RNF128: variants seen among roughly 807,000 people sequenced by gnomAD.
The protein encoded by RNF128 is E3 ubiquitin-protein ligase RNF128.
A neutral mutation model predicts 26.2 loss-of-function variants in RNF128; 13 were observed. The ratio of observed to expected loss-of-function variants is 0.50; its 90% CI spans 0.32 to 0.79. The LOEUF (loss-of-function observed/expected upper bound fraction) is 0.79. Ranked by LOEUF, RNF128 falls within the 30% of genes least tolerant of loss-of-function variation. RNF128 has a pLI of 0.03. For missense variants in RNF128, 315 were observed against 349.7 expected, an observed-to-expected ratio of 0.90 and a Z score of 0.79; for synonymous variants, 149 against 142.5, an observed-to-expected ratio of 1.05 and a Z score of -0.32.
upstream of RNF128, among the ~76,000 whole-genome samples, chrX:106,723,061 T>C (rs1022002104): frequency 9.0e-6 from 1 of 111,676 alleles, no homozygotes; most frequent in African/African-American, 3.3e-5. Context: ...AATCTGGTCA[T>C]ACCATTCATT....
chrX:106,778,044 A>G (rs1930499822), intron 2 of RNF128, among the ~76,000 whole-genome samples: 1 of 111,781 alleles, frequency 8.9e-6, no homozygotes, highest in African/African-American at 3.3e-5. Context: ...TTGTACAAAC[A>G]CAGTATATAA....
At position 106,727,174 on chromosome X, in the gene RNF128, C is replaced by T; in HGVS notation, c.261C>T (p.Pro87=). The part of the protein sequence containing the change: ...LEPVAGVLVP[P]DGPGALNACN... Reference sequence around the variant, plus strand: ...CTGTGGCTGGGGTCCTGGTACCGCCCGACGGGCCCGGGGCGCTTAACGCCT... The same window carrying T: ...CTGTGGCTGGGGTCCTGGTACCGCCTGACGGGCCCGGGGCGCTTAACGCCT... Residue 87 remains proline (P), a synonymous_variant, in exon 1 of 7, where the codon CCC becomes CCT. Coordinates refer to ENST00000255499, the MANE Select transcript of RNF128 (RefSeq NM_194463.2). 1 of 1,210,528 alleles carries T rather than the reference C, an allele frequency of 8.3e-7. No homozygotes were observed. Among genetic ancestry groups the T allele is most frequent in the Non-Finnish European group, 1.1e-6 (1 of 895,110 alleles).
intron 1 of RNF128, among the ~76,000 whole-genome samples, chrX:106,730,532 C>T (rs1929483903): frequency 1.8e-5 from 2 of 112,165 alleles, no homozygotes; most frequent in Middle Eastern, 4.6e-3. Flanking sequence ...AAGATTGTCA[C>T]GAGACACGTT....
At chrX:106,764,777 C>A (rs187519469) in intron 1 of RNF128, among the ~76,000 whole-genome samples, 242 of 112,348 alleles carry the variant, frequency 2.2e-3, no homozygotes, top group Middle Eastern at 9.2e-3. Flanking sequence ...TTTTAGAATT[C>A]TCTATGCTTT....
intron 1 of RNF128, among the ~76,000 whole-genome samples, chrX:106,741,876 T>C (rs1480208693): frequency 8.9e-6 from 1 of 112,218 alleles, no homozygotes; most frequent in Admixed American, 9.5e-5. Context: ...CAGATAACTT[T>C]AAGGGAAGTC....
At chrX:106,767,779 C>T (rs1178150844) in intron 1 of RNF128, among the ~76,000 whole-genome samples, 3 of 111,830 alleles carry the variant, frequency 2.7e-5, no homozygotes, top group Non-Finnish European at 5.6e-5. Context: ...GAAAGGGCAT[C>T]CCTGTCTTGT....
At chrX:106,734,715 G>A (rs1009899614) in intron 1 of RNF128, among the ~76,000 whole-genome samples, 2 of 111,975 alleles carry the variant, frequency 1.8e-5, no homozygotes, top group Non-Finnish European at 3.8e-5. Context: ...CCTGCTCAAG[G>A]AATAAAATAG....
intron 1 of RNF128, among the ~76,000 whole-genome samples, chrX:106,707,675 C>A (rs941769676): frequency 2.7e-5 from 3 of 110,130 alleles, no homozygotes; most frequent in African/African-American, 9.9e-5. Context: ...TCAGGAGTCC[C>A]CCTCCCCAAC....
At chrX:106,791,817 G>A (rs376505328) in intron 6 of RNF128, among the ~76,000 whole-genome samples, 1 of 111,198 alleles carries the variant, frequency 9.0e-6, no homozygotes, top group Non-Finnish European at 1.9e-5. Flanking sequence ...TATGCCAAAT[G>A]AGAAATTTTA....
At chrX:106,721,395 T>C (rs963153375) in intron 1 of RNF128, among the ~76,000 whole-genome samples, 6 of 112,175 alleles carry the variant, frequency 5.3e-5, no homozygotes, top group African/African-American at 1.6e-4. Flanking sequence ...CTGAACACTA[T>C]CATCCATCTC....
chrX:106,740,806 A>C (rs1475679771), intron 1 of RNF128, among the ~76,000 whole-genome samples: 1 of 111,566 alleles, frequency 9.0e-6, no homozygotes, highest in Non-Finnish European at 1.9e-5. Flanking sequence ...TTCTCTCTCT[A>C]AAACCTCAAA....
At chrX:106,788,373 TTATATATTATATATAA>T (rs1285104521) in intron 4 of RNF128, among the ~76,000 whole-genome samples, 7 of 44,405 alleles carry the variant, frequency 1.6e-4, no homozygotes, top group African/African-American at 8.1e-4. Context: ...ATAATATATA[TTATATATTATATATAA>T]TATATATTAT....
intron 1 of RNF128, among the ~76,000 whole-genome samples, chrX:106,732,269 G>A (rs66491909): frequency 0.21 from 23,368 of 111,078 alleles, 1,942 homozygotes; most frequent in South Asian, 0.35. Flanking sequence ...ACAAAGTATA[G>A]TAATCTCTTT....
upstream of RNF128, among the ~76,000 whole-genome samples, chrX:106,725,200 A>G (rs1048744708): frequency 8.9e-6 from 1 of 111,743 alleles, no homozygotes; most frequent in Non-Finnish European, 1.9e-5. Context: ...CTCAGAGATT[A>G]CCATCAGTAT....
At chrX:106,707,535 A>C (rs1929063200) in intron 1 of RNF128, among the ~76,000 whole-genome samples, 1 of 111,067 alleles carries the variant, frequency 9.0e-6, no homozygotes, top group Non-Finnish European at 1.9e-5. Flanking sequence ...ATTATAAATA[A>C]ATTATTTTTT....
At chrX:106,694,262 C>T in exon 1 of RNF128, 2 of 1,210,844 alleles carry the variant, frequency 1.7e-6, no homozygotes, top group South Asian at 3.5e-5. Context: ...TTTAGTAATA[C>T]TAAGAAGCCC....
chrX:106,771,412 C>A (rs906572860), intron 1 of RNF128, among the ~76,000 whole-genome samples: 4 of 112,605 alleles, frequency 3.6e-5, no homozygotes, highest in South Asian at 3.7e-4. Context: ...CCAGTTTGAG[C>A]TTGCCCGCCA....
chrX:106,746,892 G>A (rs1037284311), intron 1 of RNF128, among the ~76,000 whole-genome samples: 1 of 111,002 alleles, frequency 9.0e-6, no homozygotes, highest in Non-Finnish European at 1.9e-5. Context: ...TTAAGCTTGA[G>A]AATTTCTCCT....
chrX:106,771,915 T>A (rs1930379535), intron 1 of RNF128, among the ~76,000 whole-genome samples: 1 of 112,673 alleles, frequency 8.9e-6, no homozygotes, highest in Non-Finnish European at 1.9e-5. Context: ...TATTTGTATT[T>A]ATTCCAGATT....
Sources: gnomAD v4.1 joint callset for allele counts (sites outside exome capture counted in the v4.1 genomes callset) on GRCh38, gnomAD v4.1.1 for gene constraint, MANE v1.5 for transcripts, NCBI Gene and HGNC (gene_info 2026-07-23, HGNC 2026-07-21) for gene names.